FRMPD4: variants seen among roughly 807,000 people sequenced by gnomAD.
FRMPD4 encodes FERM and PDZ domain-containing protein 4.
Under a neutral mutation model 94.1 loss-of-function variants are expected in FRMPD4, and 22 were observed. The observed-to-expected ratio is 0.23, with a 90% CI of 0.17 to 0.33. FRMPD4 has a LOEUF of 0.33. Ranked by LOEUF, FRMPD4 falls within the 10% of genes least tolerant of loss-of-function variation. The probability of loss-of-function intolerance (pLI) is 1.00; values close to 1 mark genes in which losing one functional copy is unlikely to be tolerated. For synonymous variants in FRMPD4, 631 were observed against 548.6 expected (o/e 1.15, Z -2.10); for missense variants, 1,111 against 1,339.9 (o/e 0.83, Z 2.67).
At chrX:12,670,733 C>T (rs1392790780) in intron 4 of FRMPD4, among the ~76,000 whole-genome samples, 1 of 112,018 alleles carries the variant, frequency 8.9e-6, no homozygotes, top group Non-Finnish European at 1.9e-5. Flanking sequence ...CCAAAATTGA[C>T]AAATGGGATC....
At chrX:12,067,396 T>G (rs1485271421) in intron 3 of FRMPD4, among the ~76,000 whole-genome samples, 1 of 109,759 alleles carries the variant, frequency 9.1e-6, no homozygotes, top group Non-Finnish European at 1.9e-5. Flanking sequence ...AGTGTTTGTT[T>G]GTTTGTTTGT....
chrX:11,896,883 G>T (rs1055955010), intron 3 of FRMPD4, among the ~76,000 whole-genome samples: 2 of 111,389 alleles, frequency 1.8e-5, no homozygotes, highest in African/African-American at 6.5e-5. Flanking sequence ...TGATTCAGCA[G>T]GTCTGGTACA....
chrX:12,195,109 C>T (rs146960209), intron 1 of FRMPD4, among the ~76,000 whole-genome samples: 2,625 of 112,128 alleles, frequency 0.023, 81 homozygotes, highest in African/African-American at 0.081. Flanking sequence ...ACTATACAGA[C>T]AGATGCCTCA....
At chrX:12,327,679 G>A (rs1280220949) in intron 1 of FRMPD4, among the ~76,000 whole-genome samples, 1 of 111,338 alleles carries the variant, frequency 9.0e-6, no homozygotes, top group East Asian at 2.8e-4. Flanking sequence ...GTTGCCAGAG[G>A]GAATAAGTCT....
At chrX:12,459,412 T>TCAAGTTACAGAACACTTCCATCTACC (rs2148152200) in intron 1 of FRMPD4, among the ~76,000 whole-genome samples, 1 of 111,013 alleles carries the variant, frequency 9.0e-6, no homozygotes, top group East Asian at 2.8e-4. Flanking sequence ...ACCTCTAAAA[T>TCAAGTTACAGAACACTTCCATCTACC]CAAGTTACAG....
intron 3 of FRMPD4, among the ~76,000 whole-genome samples, chrX:12,053,189 A>G (rs1445127361): frequency 1.8e-5 from 2 of 108,398 alleles, no homozygotes; most frequent in Non-Finnish European, 3.8e-5. Flanking sequence ...AATACAAAAA[A>G]TTAGGTGGGT....
At chrX:12,559,669 A>G (rs370358254) in intron 2 of FRMPD4, among the ~76,000 whole-genome samples, 1 of 110,107 alleles carries the variant, frequency 9.1e-6, no homozygotes, top group Non-Finnish European at 1.9e-5. Context: ...AAAAAACAAA[A>G]AAAACTCTTA....
chrX:12,403,506 C>G (rs994498762), intron 1 of FRMPD4, among the ~76,000 whole-genome samples: 4 of 110,513 alleles, frequency 3.6e-5, no homozygotes, highest in Non-Finnish European at 7.6e-5. Context: ...TTTTTAGCAC[C>G]ATAGACATTC....
chrX:12,294,716 G>A (rs190055628), intron 1 of FRMPD4, among the ~76,000 whole-genome samples: 1 of 111,538 alleles, frequency 9.0e-6, no homozygotes, highest in Non-Finnish European at 1.9e-5. Flanking sequence ...ACCAGTGAAA[G>A]GACTGTGTCA....
chrX:12,494,813 T>C (rs1341435348), intron 1 of FRMPD4, among the ~76,000 whole-genome samples: 1 of 112,358 alleles, frequency 8.9e-6, no homozygotes, highest in Non-Finnish European at 1.9e-5. Context: ...TTCAATCTGT[T>C]GCAAACAATA....
rs748370266 is a variant in FRMPD4, at chrX:12,362,593, C to T, written c.42-136087C>T. Reference sequence around the variant, plus strand: ...GTGTATATGTGTCACATTTTCTTAACCCAGTCTATCGTTGTTGGACATTTG... The same window carrying T: ...GTGTATATGTGTCACATTTTCTTAATCCAGTCTATCGTTGTTGGACATTTG... On this transcript the variant is annotated intron_variant, in intron 1 of 16. Coordinates refer to ENST00000675598, the MANE Select transcript of FRMPD4 (RefSeq NM_001368397.1). Among the ~76,000 whole-genome samples, 365 of 110,150 alleles carry T rather than the reference C, an allele frequency of 3.3e-3. 9 individuals carry two copies. Among genetic ancestry groups the T allele is most frequent in the African/African-American group, 0.011 (307 of 29,141 alleles).
intron 4 of FRMPD4, among the ~76,000 whole-genome samples, chrX:12,629,713 C>T (rs1428499440): frequency 8.9e-6 from 1 of 112,088 alleles, no homozygotes; most frequent in Non-Finnish European, 1.9e-5. Flanking sequence ...GGGTCTTAGT[C>T]TCCTAGTCTA....
At chrX:12,156,208 C>G (rs775934402) in intron 1 of FRMPD4, among the ~76,000 whole-genome samples, 29 of 111,645 alleles carry the variant, frequency 2.6e-4, no homozygotes, top group Non-Finnish European at 5.1e-4. Flanking sequence ...AGTTGTCCCT[C>G]TCAAAATAGT....
intron 3 of FRMPD4, among the ~76,000 whole-genome samples, chrX:12,059,080 T>G (rs1032323948): frequency 8.9e-6 from 1 of 112,106 alleles, no homozygotes; most frequent in African/African-American, 3.2e-5. Flanking sequence ...TAACATTTAT[T>G]GAGACATTTC....
chrX:11,872,540 T>C (rs2053761046), intron 2 of FRMPD4, among the ~76,000 whole-genome samples: 1 of 112,246 alleles, frequency 8.9e-6, no homozygotes, highest in Admixed American at 9.5e-5. Context: ...TTCCTTACTC[T>C]TTTACAGAGA....
At chrX:11,913,174 TG>T in intron 3 of FRMPD4, among the ~76,000 whole-genome samples, 1 of 112,343 alleles carries the variant, frequency 8.9e-6, no homozygotes, top group East Asian at 2.8e-4. Context: ...TGCACATTCC[TG>T]GCCTCTGACT....
At chrX:11,996,860 A>G (rs966391855) in intron 3 of FRMPD4, among the ~76,000 whole-genome samples, 2 of 112,026 alleles carry the variant, frequency 1.8e-5, no homozygotes, top group Non-Finnish European at 3.8e-5. Flanking sequence ...ATATATGCAT[A>G]TATACAAAAT....
chrX:12,548,000 A>G (rs2058496382), intron 2 of FRMPD4, among the ~76,000 whole-genome samples: 3 of 112,368 alleles, frequency 2.7e-5, no homozygotes, highest in Admixed American at 1.9e-4. Flanking sequence ...AGGCTCCCGT[A>G]TAAGTATGGA....
At chrX:12,274,738 G>A (rs1053744991) in intron 1 of FRMPD4, among the ~76,000 whole-genome samples, 6 of 112,558 alleles carry the variant, frequency 5.3e-5, no homozygotes, top group Non-Finnish European at 9.4e-5. Flanking sequence ...GGCGGGGCGC[G>A]GTGGCCCACG....
Sources: allele counts gnomAD v4.1 joint callset (sites outside exome capture counted in the v4.1 genomes callset), GRCh38; gene constraint gnomAD v4.1.1; transcripts MANE v1.5; gene names NCBI Gene and HGNC (gene_info 2026-07-23, HGNC 2026-07-21).